SLC6A7: variants seen among roughly 807,000 people sequenced by gnomAD.
SLC6A7 encodes sodium-dependent proline transporter.
Under a neutral mutation model 73.1 loss-of-function variants are expected in SLC6A7, and 58 were observed. That is an observed-to-expected ratio of 0.79 (90% CI 0.64 to 0.99). The LOEUF (loss-of-function observed/expected upper bound fraction) is 0.99, where lower values mean the gene tolerates loss of function less well. SLC6A7 is among the 50% of genes least tolerant of loss of function. The pLI, the probability that SLC6A7 is intolerant of heterozygous loss-of-function variation, is 0.00. For missense variants in SLC6A7, 783 were observed against 831.4 expected (o/e 0.94, Z 0.72); for synonymous variants, 338 against 338.7 (o/e 1.00, Z 0.02).
chr5:150,206,868 G>T (rs2270149), intron 13 of SLC6A7, among the ~76,000 whole-genome samples: 1 of 152,136 alleles, frequency 6.6e-6, no homozygotes. Context: ...GCCACTAGGA[G>T]TGCTGGGCTC....
intron 4 of SLC6A7, among the ~76,000 whole-genome samples, chr5:150,197,569 C>T (rs976490541): frequency 2.6e-5 from 4 of 152,072 alleles, no homozygotes; most frequent in Admixed American, 6.6e-5. Context: ...TTGTGCAGTC[C>T]AGTCTGGTGG....
At position 150,204,881 on chromosome 5, in the gene SLC6A7, T is replaced by C; in HGVS notation, c.1487T>C (p.Leu496Pro). 3 of 1,601,906 alleles carry C rather than the reference T, an allele frequency of 1.9e-6. No individual in the cohort carries two copies. The highest frequency in any genetic ancestry group is 2.6e-6 in the Non-Finnish European group (3 of 1,172,240). Residue 496 changes from leucine to proline, a missense_variant, in exon 12 of 14, where the codon CTC (leucine) becomes CCC (proline). Coordinates refer to ENST00000230671, the MANE Select transcript of SLC6A7 (RefSeq NM_014228.5). ...ATGATGCTGGGCTTCAAGCCGGGCC[T>C]CTACTTCAGGGCCTGCTGGCTGTTC... ...IHMMLGFKPG[L>P]YFRACWLFLS...
Position 150,203,703 on chromosome 5 carries a change from T to C in SLC6A7, c.1124T>C (p.Met375Thr), listed in dbSNP as rs1753509921. 1.2e-6 allele frequency: 2 copies of C among 1,612,728 alleles called. No individual in the cohort carries two copies. The change falls in exon 9 of 14, where the codon ATG becomes ACG. Residue 375 changes from methionine to threonine, a missense_variant. Coordinates refer to ENST00000230671, the MANE Select transcript of SLC6A7 (RefSeq NM_014228.5). Reference sequence around the variant, plus strand: ...GCCTTTGTCGTCTACCCACAGGCCATGACCATGCTGCCTCTGTCACCCTTC... The same window carrying C: ...GCCTTTGTCGTCTACCCACAGGCCACGACCATGCTGCCTCTGTCACCCTTC... The part of the protein sequence containing the change: ...GLAFVVYPQA[M>T]TMLPLSPFWS...
rs544935751 is a variant in SLC6A7, at chr5:150,197,296, C to T, written c.584+20C>T. ...CTGGAGGTCAGGCAGCTGCTGGCCCCGCGGCATCTGAGGGGACCCTGCACT... is the reference window on the plus strand; with the variant it reads ...CTGGAGGTCAGGCAGCTGCTGGCCCTGCGGCATCTGAGGGGACCCTGCACT... On this transcript the variant is annotated intron_variant, in intron 4 of 13. Coordinates refer to ENST00000230671, the MANE Select transcript of SLC6A7 (RefSeq NM_014228.5). 8.7e-5 allele frequency: 134 copies of T among 1,536,594 alleles called. No homozygotes were observed. In the East Asian group the frequency reaches 1.2e-3, roughly 14 times the overall value.
At chr5:150,196,951 A>G (rs1753057914) in intron 3 of SLC6A7, 91 bp from the exon 4 acceptor site, 1 of 1,525,536 alleles carries the variant, frequency 6.6e-7, no homozygotes, top group South Asian at 1.2e-5. Flanking sequence ...GTGGAAGTGA[A>G]GCCCAGATAG....
chr5:150,209,243 C>G (rs1753843593), intron 13 of SLC6A7, among the ~76,000 whole-genome samples, 163 bp from the exon 14 acceptor site: 3 of 152,266 alleles, frequency 2.0e-5, no homozygotes, highest in Admixed American at 1.3e-4. Flanking sequence ...AGGTGGATCC[C>G]TCCCCTGGGG....
At position 150,205,601 on chromosome 5, in the gene SLC6A7, G is replaced by T; in HGVS notation, c.1679G>T (p.Arg560Leu). 1 of 1,611,760 alleles carries T rather than the reference G, an allele frequency of 6.2e-7. No homozygotes were observed. Among genetic ancestry groups the T allele is most frequent in the Non-Finnish European group, 8.5e-7 (1 of 1,178,962 alleles). Reference sequence around the variant, plus strand: ...GCTGGCATGCTGGTGGCTGTGCTTCGAGAAGAGGGCTCACTCTGGGAGGTG... The same window carrying T: ...GCTGGCATGCTGGTGGCTGTGCTTCTAGAAGAGGGCTCACTCTGGGAGGTG... Reference protein sequence around the residue: ...IPAGMLVAVLREEGSLWERLQ... With the variant: ...IPAGMLVAVLLEEGSLWERLQ... Residue 560 changes from arginine (R) to leucine (L), a missense_variant, in exon 13 of 14, where the codon CGA (arginine) becomes CTA (leucine). Arg to Leu is a moderately radical substitution (Grantham distance 102, BLOSUM62 -2). Transcript: ENST00000230671.
At chr5:150,205,413 T>G in intron 12 of SLC6A7, 43 bp from the exon 13 acceptor site, 1 of 1,545,914 alleles carries the variant, frequency 6.5e-7, no homozygotes, top group South Asian at 1.2e-5. Context: ...TTAAGCAGTT[T>G]AGACAAAAGC....
intron 1 of SLC6A7, among the ~76,000 whole-genome samples, chr5:150,191,436 G>GT (rs70973567): frequency 0.41 from 59,125 of 145,608 alleles, 12,081 homozygotes; most frequent in East Asian, 0.56. Context: ...TCTTTTTCTT[G>GT]TTTTTTTTTT....
At chr5:150,204,687 C>G (rs1054445097) in intron 11 of SLC6A7, 56 bp downstream of exon 11, 2 of 1,442,132 alleles carry the variant, frequency 1.4e-6, no homozygotes, top group Admixed American at 3.4e-5. Flanking sequence ...GAATGGGAGT[C>G]TACCCTGGGG....
intron 8 of SLC6A7, among the ~76,000 whole-genome samples, chr5:150,203,305 T>C (rs1753488404): frequency 1.3e-5 from 2 of 152,180 alleles, no homozygotes; most frequent in South Asian, 2.1e-4. Context: ...GAGGTGTCTA[T>C]GTGCAAGTGA....
intron 5 of SLC6A7, among the ~76,000 whole-genome samples, chr5:150,200,696 C>A (rs369628748): frequency 8.5e-5 from 13 of 152,102 alleles, no homozygotes; most frequent in East Asian, 5.8e-4. Flanking sequence ...GCAGTGAGGA[C>A]GCTGAGACTT....
chr5:150,198,099 GA>G (rs1220433021), intron 4 of SLC6A7, among the ~76,000 whole-genome samples: 30 of 109,500 alleles, frequency 2.7e-4, no homozygotes, highest in African/African-American at 9.6e-4. Context: ...AAGAAAGAAA[GA>G]AAGAAAGAAA....
intron 4 of SLC6A7, among the ~76,000 whole-genome samples, chr5:150,198,121 G>GAA (rs1326770305): frequency 0.3 from 33,908 of 111,340 alleles, 5,217 homozygotes; most frequent in Non-Finnish European, 0.41. Flanking sequence ...GAAAGAGAAA[G>GAA]AAAGAAAGAA....
intron 13 of SLC6A7, 26 bp downstream of exon 13, chr5:150,205,649 T>G: frequency 6.3e-7 from 1 of 1,586,516 alleles, no homozygotes; most frequent in Non-Finnish European, 8.6e-7. Context: ...CTGTCCACTC[T>G]CAGCCTTCCT....
At position 150,209,764 on chromosome 5, in the gene SLC6A7, T is replaced by G. The variant is rs1420803608; in HGVS notation, c.*149T>G. The G allele has an allele frequency of 1.5e-6, 1 of 659,396 alleles. No individual in the cohort carries two copies. The highest frequency in any genetic ancestry group is 2.7e-6 in the Non-Finnish European group (1 of 366,390). 40.8% of individuals were successfully genotyped at this position (659,396 alleles called of 1,614,324 possible). A position where few individuals can be genotyped will look rare whatever the true frequency, so the allele number is the denominator to read the frequency against. ...CCAGTCCCCCAGTGGGGGTCCCTTC[T>G]GCAGCCTCTGCCTCTCCTGAAACCT... On this transcript the variant is annotated 3_prime_UTR_variant, in exon 14 of 14. Coordinates refer to ENST00000230671, the MANE Select transcript of SLC6A7 (RefSeq NM_014228.5).
At chr5:150,202,517 G>A (rs1178009237) in intron 7 of SLC6A7, 62 bp from the exon 8 acceptor site, 2 of 1,610,550 alleles carry the variant, frequency 1.2e-6, no homozygotes, top group Non-Finnish European at 8.5e-7. Context: ...GGCCAGGGAG[G>A]GCCTCAGAGG....
chr5:150,205,315 A>C, intron 12 of SLC6A7, 141 bp from the exon 13 acceptor site: 1 of 637,162 alleles, frequency 1.6e-6, no homozygotes, highest in Non-Finnish European at 2.6e-6. Flanking sequence ...GGCCCACTTC[A>C]GGGTTCGGTA....
intron 5 of SLC6A7, 117 bp from the exon 6 acceptor site, chr5:150,200,972 G>A (rs908750520): frequency 4.0e-5 from 41 of 1,025,864 alleles, no homozygotes; most frequent in Middle Eastern, 4.2e-4. Flanking sequence ...GATGAAGGCC[G>A]GTTCCTGGCT....
Sources: gnomAD v4.1 joint callset for allele counts (sites outside exome capture counted in the v4.1 genomes callset) on GRCh38, gnomAD v4.1.1 for gene constraint, MANE v1.5 for transcripts, NCBI Gene and HGNC (gene_info 2026-07-23, HGNC 2026-07-21) for gene names.